Variants in CDKAL1 observed in about 807,000 individuals in gnomAD.
CDKAL1 encodes the protein CDKAL1 threonylcarbamoyladenosine tRNA methylthiotransferase, also known as threonylcarbamoyladenosine tRNA methylthiotransferase.
Under a neutral mutation model 68.2 loss-of-function variants are expected in CDKAL1, and 32 were observed. The observed-to-expected ratio is 0.47, with a 90% CI of 0.35 to 0.63. The LOEUF (loss-of-function observed/expected upper bound fraction) is 0.63. Among genes scored for constraint, CDKAL1 ranks in the 30% least tolerant of loss-of-function variants. The pLI, the probability that CDKAL1 is intolerant of heterozygous loss-of-function variation, is 0.00. For synonymous variants in CDKAL1, 234 were observed against 244.3 expected, an observed-to-expected ratio of 0.96 and a Z score of 0.39; for missense variants, 606 against 696.7, an observed-to-expected ratio of 0.87 and a Z score of 1.47.
intron 5 of CDKAL1, among the ~76,000 whole-genome samples, chr6:20,732,263 C>CTTTTTTTTTTTTTTTTTTTTTTTTTTTT (rs56911987): frequency 1.8e-4 from 15 of 83,488 alleles, no homozygotes; most frequent in Admixed American, 6.1e-4. Flanking sequence ...TTCTTTCTTT[C>CTTTTTTTTTTTTTTTTTTTTTTTTTTTT]TTTTTTTTTT....
At chr6:20,765,510 T>C (rs1026877902) in intron 7 of CDKAL1, among the ~76,000 whole-genome samples, 2 of 152,224 alleles carry the variant, frequency 1.3e-5, no homozygotes, top group Non-Finnish European at 2.9e-5. Flanking sequence ...CTTTTCTTTA[T>C]ATCTCCTTTA....
chr6:20,883,116 CTA>C (rs1036599847), intron 9 of CDKAL1, among the ~76,000 whole-genome samples: 10 of 152,104 alleles, frequency 6.6e-5, no homozygotes, highest in Non-Finnish European at 1.5e-5. Flanking sequence ...TTAAGTACTG[CTA>C]TGAGTTCTGA....
intron 13 of CDKAL1, among the ~76,000 whole-genome samples, chr6:21,160,408 C>T (rs2151062302): frequency 6.6e-6 from 1 of 151,752 alleles, no homozygotes; most frequent in Middle Eastern, 3.4e-3. Context: ...AGTGATTCTT[C>T]TGCTTCAGCC....
intron 10 of CDKAL1, among the ~76,000 whole-genome samples, chr6:20,986,105 A>G (rs1269612275): frequency 2.6e-5 from 4 of 152,042 alleles, no homozygotes; most frequent in Admixed American, 2.6e-4. Flanking sequence ...CTCTCCTGTT[A>G]TGCTAATGTG....
At chr6:20,625,094 A>C (rs945814216) in intron 4 of CDKAL1, among the ~76,000 whole-genome samples, 1 of 152,100 alleles carries the variant, frequency 6.6e-6, no homozygotes, top group Non-Finnish European at 1.5e-5. Context: ...AACTCTGAAG[A>C]ATTCTGGGTT....
intron 5 of CDKAL1, among the ~76,000 whole-genome samples, chr6:20,686,274 A>G (rs1770615436): frequency 6.6e-6 from 1 of 152,112 alleles, no homozygotes; most frequent in African/African-American, 2.4e-5. Flanking sequence ...CTTGTTAGGA[A>G]CCAGGCCGCA....
intron 5 of CDKAL1, among the ~76,000 whole-genome samples, chr6:20,714,099 A>T (rs948344500): frequency 2.8e-5 from 4 of 141,446 alleles, no homozygotes; most frequent in Admixed American, 2.7e-4. Context: ...ATCGACCAGG[A>T]TGAAAGATGT....
intron 13 of CDKAL1, among the ~76,000 whole-genome samples, chr6:21,126,632 A>G (rs1775028695): frequency 6.6e-6 from 1 of 151,636 alleles, no homozygotes; most frequent in South Asian, 2.1e-4. Flanking sequence ...ATCAGTTTCT[A>G]TTTGTATTGC....
chr6:21,143,818 A>AAGGGACC (rs1776036167), intron 13 of CDKAL1, among the ~76,000 whole-genome samples: 1 of 152,154 alleles, frequency 6.6e-6, no homozygotes, highest in Non-Finnish European at 1.5e-5. Flanking sequence ...CCTGTGTCTC[A>AAGGGACC]AGGGACCCTA....
intron 12 of CDKAL1, among the ~76,000 whole-genome samples, chr6:21,066,697 C>T (rs1178469889): frequency 1.3e-5 from 2 of 152,218 alleles, no homozygotes; most frequent in East Asian, 3.8e-4. Flanking sequence ...TCTTGGCTCA[C>T]TGTAGCCCCA....
intron 5 of CDKAL1, among the ~76,000 whole-genome samples, chr6:20,690,980 A>T (rs976770012): frequency 1.3e-5 from 2 of 152,250 alleles, no homozygotes; most frequent in Admixed American, 6.5e-5. Flanking sequence ...ATATACTTTT[A>T]AAATGAAACA....
At chr6:20,921,418 C>G (rs1762951651) in intron 9 of CDKAL1, among the ~76,000 whole-genome samples, 2 of 152,160 alleles carry the variant, frequency 1.3e-5, no homozygotes, top group South Asian at 4.1e-4. Context: ...CTGAGCAAGA[C>G]TCCGTCTCAA....
At position 21,030,379 on chromosome 6, in the gene CDKAL1, C is replaced by T. The variant is rs577950491; in HGVS notation, c.1055+30007C>T. Among the ~76,000 whole-genome samples, 14 of 152,136 alleles carry T rather than the reference C, an allele frequency of 9.2e-5. No homozygotes were observed. In the South Asian group the frequency reaches 1.0e-3, roughly 11 times the overall value. ...CATTAGGACAAATAGCTAATGCATTCGGGACTTAAAACCTAGATGACGGGT... is the reference window on the plus strand; with the variant it reads ...CATTAGGACAAATAGCTAATGCATTTGGGACTTAAAACCTAGATGACGGGT... On this transcript the variant is annotated intron_variant, in intron 11 of 15. Transcript: ENST00000274695.
At chr6:21,160,454 T>C (rs9295498) in intron 13 of CDKAL1, among the ~76,000 whole-genome samples, 85,994 of 150,602 alleles carry the variant, frequency 0.57, 26,016 homozygotes, top group African/African-American at 0.78. Flanking sequence ...CCCACCACCA[T>C]GCCCAGCTAA....
At chr6:20,580,830 C>T (rs1765113176) in intron 4 of CDKAL1, among the ~76,000 whole-genome samples, 1 of 151,806 alleles carries the variant, frequency 6.6e-6, no homozygotes. Context: ...GCTTTTGTTG[C>T]CCAGGCTGAA....
At chr6:21,184,110 C>G (rs571006273) in intron 13 of CDKAL1, among the ~76,000 whole-genome samples, 3 of 152,036 alleles carry the variant, frequency 2.0e-5, no homozygotes, top group African/African-American at 7.2e-5. Flanking sequence ...TACCAGATTC[C>G]AACCTGATTC....
At chr6:21,000,684 G>A (rs1167585717) in intron 11 of CDKAL1, among the ~76,000 whole-genome samples, 2 of 152,166 alleles carry the variant, frequency 1.3e-5, no homozygotes, top group Admixed American at 6.6e-5. Flanking sequence ...GCTTTGCTCT[G>A]TGTAAATCTC....
At chr6:20,701,259 G>GT (rs11305935) in intron 5 of CDKAL1, among the ~76,000 whole-genome samples, 5,533 of 118,538 alleles carry the variant, frequency 0.047, 136 homozygotes, top group Middle Eastern at 0.077. Flanking sequence ...ACATGAAGTT[G>GT]TTTTTTTTTT....
intron 12 of CDKAL1, among the ~76,000 whole-genome samples, chr6:21,076,036 T>A (rs9295492): frequency 0.41 from 62,618 of 151,992 alleles, 13,293 homozygotes; most frequent in East Asian, 0.66. Context: ...ATATCTTTGA[T>A]TATATGTCCT....
Sources: gnomAD v4.1 joint callset for allele counts (sites outside exome capture counted in the v4.1 genomes callset) on GRCh38, gnomAD v4.1.1 for gene constraint, MANE v1.5 for transcripts, NCBI Gene and HGNC (gene_info 2026-07-23, HGNC 2026-07-21) for gene names.